The following VPS13A variants were observed in gnomAD, a reference collection of about 807,000 sequenced individuals.
The protein encoded by VPS13A is intermembrane lipid transfer protein VPS13A.
VPS13A carries 264 observed loss-of-function variants against 390.9 expected under a neutral mutation model. The observed-to-expected ratio is 0.68, with a 90% CI of 0.61 to 0.75. VPS13A has a LOEUF of 0.75. VPS13A is among the 30% of genes least tolerant of loss of function. The pLI is 0.00. For missense variants in VPS13A, 3,409 were observed against 3,733.9 expected, an observed-to-expected ratio of 0.91 and a Z score of 2.27; for synonymous variants, 1,231 against 1,227.1, an observed-to-expected ratio of 1.00 and a Z score of -0.07.
chr9:77,376,372 G>C (rs1833078365), intron 67 of VPS13A, among the ~76,000 whole-genome samples: 1 of 152,176 alleles, frequency 6.6e-6, no homozygotes, highest in African/African-American at 2.4e-5. Flanking sequence ...TGAGCTGGCT[G>C]CTGCATTGAG....
At chr9:77,326,854 A>G (rs1473532158) in intron 45 of VPS13A, among the ~76,000 whole-genome samples, 1 of 152,072 alleles carries the variant, frequency 6.6e-6, no homozygotes, top group Middle Eastern at 3.4e-3. Flanking sequence ...TGAGCCTTAG[A>G]TAATCTACAC....
At chr9:77,378,844 C>T (rs1163078096) in intron 67 of VPS13A, among the ~76,000 whole-genome samples, 1 of 152,002 alleles carries the variant, frequency 6.6e-6, no homozygotes, top group East Asian at 1.9e-4. Context: ...TCCCTCTGAG[C>T]ACTGTCTTTG....
At chr9:77,374,135 ATTATC>A (rs1363204316) in intron 67 of VPS13A, among the ~76,000 whole-genome samples, 1 of 152,002 alleles carries the variant, frequency 6.6e-6, no homozygotes, top group East Asian at 1.9e-4. Context: ...CCCTTCCTTT[ATTATC>A]TTATTTTGTT....
chr9:77,412,301 T>C (rs1234613004), intron 71 of VPS13A, among the ~76,000 whole-genome samples: 6 of 152,098 alleles, frequency 3.9e-5, no homozygotes, highest in South Asian at 2.1e-4. Flanking sequence ...AAAAAGAGAA[T>C]TTTAGACCAA....
At chr9:77,390,595 C>A (rs1026218813) in intron 68 of VPS13A, among the ~76,000 whole-genome samples, 3 of 151,844 alleles carry the variant, frequency 2.0e-5, no homozygotes, top group African/African-American at 7.3e-5. Flanking sequence ...TTTTTTCTTT[C>A]ATCTCAAGTG....
At chr9:77,178,499 C>T (rs1395154641) in intron 1 of VPS13A, among the ~76,000 whole-genome samples, 1 of 152,210 alleles carries the variant, frequency 6.6e-6, no homozygotes, top group Non-Finnish European at 1.5e-5. Context: ...GAATGTGTAA[C>T]ATTTTCAAGA....
intron 68 of VPS13A, among the ~76,000 whole-genome samples, chr9:77,399,944 C>T (rs972633505): frequency 1.3e-5 from 2 of 152,044 alleles, no homozygotes; most frequent in Non-Finnish European, 2.9e-5. Flanking sequence ...ATATCTTATA[C>T]ATCTCTCTAT....
chr9:77,400,196 G>A (rs1018599617), intron 68 of VPS13A, among the ~76,000 whole-genome samples: 1 of 131,286 alleles, frequency 7.6e-6, no homozygotes, highest in Non-Finnish European at 1.6e-5. Context: ...GAGTTATAGT[G>A]AATATTTTCT....
intron 45 of VPS13A, among the ~76,000 whole-genome samples, chr9:77,326,849 C>A (rs1252375918): frequency 6.6e-6 from 1 of 152,042 alleles, no homozygotes; most frequent in African/African-American, 2.4e-5. Flanking sequence ...TTTACTGAGC[C>A]TTAGATAATC....
intron 31 of VPS13A, among the ~76,000 whole-genome samples, chr9:77,287,279 C>T (rs1827390617): frequency 1.3e-5 from 2 of 151,244 alleles, no homozygotes; most frequent in South Asian, 2.1e-4. Context: ...CAGCTCACTG[C>T]AGCCTCGACC....
At chr9:77,397,031 C>T (rs62571469) in intron 68 of VPS13A, among the ~76,000 whole-genome samples, 15 of 152,172 alleles carry the variant, frequency 9.9e-5, no homozygotes, top group Non-Finnish European at 1.9e-4. Flanking sequence ...CTCTGTTGCC[C>T]AGGCTGGAGT....
At chr9:77,274,168 G>T (rs187210274) in intron 24 of VPS13A, among the ~76,000 whole-genome samples, 1 of 152,144 alleles carries the variant, frequency 6.6e-6, no homozygotes, top group Non-Finnish European at 1.5e-5. Flanking sequence ...AGTGGCTCAT[G>T]CCTGTAATCC....
intron 3 of VPS13A, among the ~76,000 whole-genome samples, chr9:77,204,585 A>T (rs1825528454): frequency 6.6e-6 from 1 of 152,190 alleles, no homozygotes. Flanking sequence ...ACATATACAT[A>T]ATGAAAAATA....
At chr9:77,338,937 G>A (rs1028546356) in intron 47 of VPS13A, 2 of 155,354 alleles carry the variant, frequency 1.3e-5, no homozygotes, top group African/African-American at 4.8e-5. Context: ...GGGGACAAGA[G>A]CGGTTAGGGG....
chr9:77,225,823 T>C (rs1260678427), intron 13 of VPS13A, 103 bp from the exon 14 acceptor site: 3 of 861,918 alleles, frequency 3.5e-6, no homozygotes, highest in African/African-American at 1.7e-5. Context: ...TTGCTTCCTA[T>C]TATATCTTTT....
chr9:77,384,710 G>T, intron 68 of VPS13A: 1 of 1,580,048 alleles, frequency 6.3e-7, no homozygotes, highest in South Asian at 1.1e-5. Flanking sequence ...ATTTTACTTG[G>T]AATGTTTCAT....
At chr9:77,191,180 A>C (rs1372105863) in intron 1 of VPS13A, among the ~76,000 whole-genome samples, 1 of 152,020 alleles carries the variant, frequency 6.6e-6, no homozygotes, top group African/African-American at 2.4e-5. Flanking sequence ...GGCATTTAGC[A>C]CTATAAACTT....
chr9:77,207,232 T>C (rs1254706765), intron 5 of VPS13A, among the ~76,000 whole-genome samples: 19 of 98,060 alleles, frequency 1.9e-4, no homozygotes, highest in Non-Finnish European at 4.1e-4. Context: ...TATATATATA[T>C]ATATATATAT....
At position 77,283,631 on chromosome 9, in the gene VPS13A, T is replaced by C. The variant is rs765966046; in HGVS notation, c.3320T>C (p.Ile1107Thr). The C allele has an allele frequency of 5.0e-6, 8 of 1,608,014 alleles. No homozygotes were observed. The Admixed American group carries it at 6.7e-5, about 13-fold the overall frequency. ...LRNIIVLDSD[I>T]TAIYKKAVYI... is the part of the protein sequence containing the mutation. Reference sequence around the variant, plus strand: ...AATATAATTGTTTTAGATTCTGATATAACAGCTATATACAAAAAGGTAAGA... The same window carrying C: ...AATATAATTGTTTTAGATTCTGATACAACAGCTATATACAAAAAGGTAAGA... The change falls in exon 31 of 72, where the codon ATA becomes ACA. Residue 1107 changes from isoleucine (I) to threonine (T), a missense_variant. Ile to Thr is a moderately conservative substitution (Grantham distance 89). Around this residue, in one of 5 missense-constraint regions of VPS13A, gnomAD observed 2,717 missense variants for 2,917.4 expected, o/e 0.93. Transcript: ENST00000360280.
Sources: gnomAD v4.1 joint callset for allele counts (sites outside exome capture counted in the v4.1 genomes callset) on GRCh38, gnomAD v4.1.1 for gene constraint, gnomAD v4.1.1 regional missense constraint, MANE v1.5 for transcripts, NCBI Gene and HGNC (gene_info 2026-07-23, HGNC 2026-07-21) for gene names.